The following SPTBN4 variants were observed in gnomAD, a reference collection of about 807,000 sequenced individuals.
SPTBN4 encodes spectrin beta, non-erythrocytic 4.
In SPTBN4, 96 loss-of-function variants were observed where a neutral mutation model predicts 277.8. That is an observed-to-expected ratio of 0.35 (90% CI 0.29 to 0.41). The LOEUF (loss-of-function observed/expected upper bound fraction) is 0.41. SPTBN4 is among the 10% of genes least tolerant of loss of function. The pLI, the probability that SPTBN4 is intolerant of heterozygous loss-of-function variation, is 1.00. For missense variants in SPTBN4, 3,006 were observed against 3,595.7 expected (o/e 0.84, Z 4.19); for synonymous variants, 1,481 against 1,580.3 (o/e 0.94, Z 1.49).
rs770757084 is a variant in SPTBN4, at chr19:40,556,139, G to A, written c.5140G>A (p.Glu1714Lys). The change falls in exon 25 of 36, where the codon GAG (glutamate) becomes AAG (lysine). Residue 1714 changes from glutamate to lysine, a missense_variant. Physicochemically the swap from Glu to Lys is moderately conservative, Grantham distance 56. Around this residue, in one of 5 missense-constraint regions of SPTBN4, gnomAD observed 425 missense variants for 594.7 expected, o/e 0.71. Coordinates refer to ENST00000598249, the MANE Select transcript of SPTBN4 (RefSeq NM_020971.3). ...GGACCGCCTGTACGTGGCGCTCAAG[G>A]AGCTGGGTGAGGAGCGCCGGGTGGC... Reference protein sequence around the residue: ...QVDRLYVALKELGEERRVALE... With the variant: ...QVDRLYVALKKLGEERRVALE... 5.0e-6 allele frequency: 8 copies of A among 1,612,918 alleles called. No homozygotes were observed. Among genetic ancestry groups the A allele is most frequent in the African/African-American group, 2.7e-5 (2 of 74,874 alleles).
chr19:40,472,268 C>T (rs1302112386), intron 1 of SPTBN4, among the ~76,000 whole-genome samples: 1 of 151,774 alleles, frequency 6.6e-6, no homozygotes, highest in Non-Finnish European at 1.5e-5. Flanking sequence ...TTGTCTCGAA[C>T]TCCTGGGCTC....
In SPTBN4 at chr19:40,554,897, T is replaced by C; in HGVS notation, c.5084+251T>C. 2.1e-6 allele frequency: 1 copy of C among 484,094 alleles called. No individual in the cohort carries two copies. Among genetic ancestry groups the C allele is most frequent in the Non-Finnish European group, 3.7e-6 (1 of 268,878 alleles). The allele number at this position is 484,094 out of a possible 1,614,324, so 30.0% of individuals were successfully genotyped here. A position where few individuals can be genotyped will look rare whatever the true frequency, so the allele number is the denominator to read the frequency against. ...GGGACCTTGTCGGGGGAGAAAAGAGTAGGCGATGTCTAGGACTGGGGTAGA... is the reference window on the plus strand; with the variant it reads ...GGGACCTTGTCGGGGGAGAAAAGAGCAGGCGATGTCTAGGACTGGGGTAGA... On this transcript the variant is annotated intron_variant, in intron 24 of 35. Transcript: ENST00000598249. This position sits in a 1 kb window ranked among gnomAD's most constrained non-coding sequence, Gnocchi z 5.7.
intron 11 of SPTBN4, 34 bp from the exon 12 acceptor site, chr19:40,503,796 G>A (rs1198149486): frequency 6.4e-7 from 1 of 1,551,226 alleles, no homozygotes; most frequent in African/African-American, 1.4e-5. Flanking sequence ...GACTGCTGAG[G>A]CAGCATGGGT....
chr19:40,562,326 TTG>T (rs1229684748), intron 27 of SPTBN4, among the ~76,000 whole-genome samples: 3 of 151,926 alleles, frequency 2.0e-5, no homozygotes, highest in Non-Finnish European at 4.4e-5. Flanking sequence ...GGACAGGACT[TTG>T]AGACCAGCTT....
chr19:40,574,083 C>T (rs1057404587), intron 35 of SPTBN4, among the ~76,000 whole-genome samples: 3 of 151,924 alleles, frequency 2.0e-5, no homozygotes, highest in Admixed American at 2.0e-4. Context: ...GCCTGAGCGA[C>T]AGAGCGAGAC....
intron 15 of SPTBN4, among the ~76,000 whole-genome samples, chr19:40,517,029 A>C (rs1178911067): frequency 6.6e-6 from 1 of 152,216 alleles, no homozygotes; most frequent in Non-Finnish European, 1.5e-5. Flanking sequence ...ATACAAGTCC[A>C]AAAAGGTGAA....
intron 27 of SPTBN4, 21 bp from the exon 28 acceptor site, chr19:40,565,402 C>T: frequency 6.2e-7 from 1 of 1,603,994 alleles, no homozygotes; most frequent in Admixed American, 1.7e-5. Context: ...GGCTCAGATC[C>T]CTGCCTGCCA....
At chr19:40,556,953 T>C in intron 25 of SPTBN4, 70 bp from the exon 26 acceptor site, 1 of 1,477,386 alleles carries the variant, frequency 6.8e-7, no homozygotes, top group Non-Finnish European at 9.0e-7. Flanking sequence ...CATTGTAGGC[T>C]GGAGGGGGCT....
At chr19:40,516,920 C>T (rs774076962) in intron 15 of SPTBN4, among the ~76,000 whole-genome samples, 6 of 152,304 alleles carry the variant, frequency 3.9e-5, no homozygotes, top group Admixed American at 6.5e-5. Context: ...AGCTACTGCT[C>T]CTAGCCCAGA....
chr19:40,519,381 ACT>A lies in SPTBN4; in HGVS notation c.2904-15_2904-14del. Reference sequence around the variant, plus strand: ...GAGGAGTCCCTGTCCTCCTCAAGTCACTCTCTTTCCCCTGGGCAGGTGGAACC... The same window carrying A: ...GAGGAGTCCCTGTCCTCCTCAAGTCACTCTTTCCCCTGGGCAGGTGGAACC... On this transcript the variant is annotated intron_variant, in intron 15 of 35. Coordinates refer to ENST00000598249, the MANE Select transcript of SPTBN4 (RefSeq NM_020971.3). This position sits in a 1 kb window ranked among gnomAD's most constrained non-coding sequence, Gnocchi z 5.7. The A allele has an allele frequency of 6.6e-7, 1 of 1,519,610 alleles. No homozygotes were observed. The highest frequency in any genetic ancestry group is 8.8e-7 in the Non-Finnish European group (1 of 1,135,894). 94.1% of individuals were successfully genotyped at this position (1,519,610 alleles called of 1,614,324 possible). A position where few individuals can be genotyped will look rare whatever the true frequency, so the allele number is the denominator to read the frequency against.
chr19:40,474,820 A>C (rs2079928834), intron 2 of SPTBN4, among the ~76,000 whole-genome samples: 1 of 151,988 alleles, frequency 6.6e-6, no homozygotes, highest in East Asian at 1.9e-4. Flanking sequence ...TGAACCCGGG[A>C]GATGGGGGTT....
intron 17 of SPTBN4, among the ~76,000 whole-genome samples, chr19:40,526,598 T>C (rs2080595706): frequency 1.3e-5 from 2 of 152,240 alleles, no homozygotes; most frequent in South Asian, 4.1e-4. Context: ...CTTTTCTTTT[T>C]TTTAAAGACA....
chr19:40,545,421 C>G lies in SPTBN4; in HGVS notation c.4360-3768C>G, dbSNP rs374758056. Among the ~76,000 whole-genome samples, 280 of 151,682 alleles carry G rather than the reference C, an allele frequency of 1.8e-3. 3 individuals are homozygous for G. Among genetic ancestry groups the G allele is most frequent in the African/African-American group, 6.6e-3 (274 of 41,408 alleles). ...TGACAGTATTTCTTTAGTTATATTA[C>G]TAGAAATGCAAGTGCTGGGTCAAGC... On this transcript the variant is annotated intron_variant, in intron 20 of 35. Transcript: ENST00000598249.
intron 1 of SPTBN4, among the ~76,000 whole-genome samples, chr19:40,469,498 C>T (rs2079861092): frequency 6.6e-6 from 1 of 151,424 alleles, no homozygotes; most frequent in Admixed American, 6.6e-5. Context: ...CTCCTGACCT[C>T]GTGATCCACC....
chr19:40,562,077 T>TGGAGGGAG (rs1035117819), intron 27 of SPTBN4, among the ~76,000 whole-genome samples: 1 of 151,796 alleles, frequency 6.6e-6, no homozygotes, highest in African/African-American at 2.4e-5. Flanking sequence ...TGTGGCCAGA[T>TGGAGGGAG]GGAGGGAGGG....
chr19:40,481,091 G>A (rs1488473041), intron 2 of SPTBN4, among the ~76,000 whole-genome samples: 2 of 151,914 alleles, frequency 1.3e-5, no homozygotes, highest in African/African-American at 4.8e-5. Flanking sequence ...AAAATAAATG[G>A]TGGTGTTCTC....
chr19:40,547,250 G>T (rs1159826029), intron 20 of SPTBN4, among the ~76,000 whole-genome samples: 1 of 139,454 alleles, frequency 7.2e-6, no homozygotes, highest in Admixed American at 8.2e-5. Context: ...TCATTGTTCA[G>T]CTCCCACCTA....
intron 26 of SPTBN4, among the ~76,000 whole-genome samples, chr19:40,558,691 T>G (rs1429802925): frequency 2.0e-5 from 3 of 151,856 alleles, no homozygotes; most frequent in Non-Finnish European, 4.4e-5. Context: ...CACTGCACCC[T>G]CTGCCTCCCA....
chr19:40,526,606 A>G (rs939472952), intron 17 of SPTBN4, among the ~76,000 whole-genome samples: 4 of 152,068 alleles, frequency 2.6e-5, no homozygotes, highest in Non-Finnish European at 5.9e-5. Context: ...TTTTTTAAAG[A>G]CAGGGTCTTG....
Sources: gnomAD v4.1 joint callset for allele counts (sites outside exome capture counted in the v4.1 genomes callset) on GRCh38, gnomAD v4.1.1 for gene constraint, gnomAD v4.1.1 regional missense constraint, Gnocchi (gnomAD v3.1) non-coding constraint, MANE v1.5 for transcripts, NCBI Gene and HGNC (gene_info 2026-07-23, HGNC 2026-07-21) for gene names.